GOLGA4: variants seen among roughly 807,000 people sequenced by gnomAD.
GOLGA4 encodes the protein golgin subfamily A member 4.
In GOLGA4, 169 loss-of-function variants were observed where a neutral mutation model predicts 265.9. That is an observed-to-expected ratio of 0.64 (90% CI 0.56 to 0.72). GOLGA4 has a LOEUF of 0.72. Ranked by LOEUF, GOLGA4 falls within the 30% of genes least tolerant of loss-of-function variation. The pLI, the probability that GOLGA4 is intolerant of heterozygous loss-of-function variation, is 0.00. For synonymous variants in GOLGA4, 923 were observed against 855.8 expected (o/e 1.08, Z -1.37); for missense variants, 2,482 against 2,483.4 (o/e 1.00, Z 0.01).
intron 10 of GOLGA4, 114 bp downstream of exon 10, chr3:37,302,446 C>G (rs1218970149): frequency 4.3e-6 from 4 of 931,660 alleles, no homozygotes; most frequent in Non-Finnish European, 6.4e-6. Flanking sequence ...ACTATAGAGG[C>G]TCCTAATAAG....
chr3:37,322,261 C>T (rs984044253), intron 13 of GOLGA4, among the ~76,000 whole-genome samples: 4 of 152,160 alleles, frequency 2.6e-5, no homozygotes, highest in Admixed American at 2.0e-4. Context: ...ATGTCCTGAA[C>T]GTAATCCAGC....
rs754854479 is a variant in GOLGA4, at chr3:37,327,051, A to C, written c.5165A>C (p.Glu1722Ala). The C allele has an allele frequency of 3.7e-6, 6 of 1,613,970 alleles. No homozygotes were observed. The highest frequency in any genetic ancestry group is 1.7e-6 in the Non-Finnish European group (2 of 1,179,876). Residue 1722 changes from glutamate (E) to alanine (A), a missense_variant, in exon 14 of 24, where the codon GAA (glutamate) becomes GCA (alanine). This residue lies in a region of GOLGA4 where 942 missense variants were observed against 983.1 expected (regional missense o/e 0.96). Transcript: ENST00000361924. ...AATGTGGCAGCATATACTGAACAAG[A>C]AGAAGCAGATTCCCAAGGCTGTGTG... ...AKNVAAYTEQ[E>A]EADSQGCVQK...
chr3:37,295,221 T>C, intron 6 of GOLGA4, 144 bp downstream of exon 6: 1 of 522,184 alleles, frequency 1.9e-6, no homozygotes, highest in Non-Finnish European at 3.4e-6. Context: ...ATTTTTTTTA[T>C]TTTTAATTTT....
At chr3:37,357,283 A>G (rs773989559) in intron 22 of GOLGA4, among the ~76,000 whole-genome samples, 1 of 152,132 alleles carries the variant, frequency 6.6e-6, no homozygotes, top group Non-Finnish European at 1.5e-5. Flanking sequence ...AGTCTCATCC[A>G]TCATTATCTC....
rs879391061 is a variant in GOLGA4 at position 37,256,470 on chromosome 3, C to CA, written c.162+4997dup. Among the ~76,000 whole-genome samples the CA allele has an allele frequency of 1.1e-3, 137 of 130,304 alleles. 1 individual carries two copies. Among genetic ancestry groups the CA allele is most frequent in the African/African-American group, 1.5e-3 (53 of 35,164 alleles). 85.5% of individuals were successfully genotyped at this position (130,304 alleles called of 152,430 possible). A position where few individuals can be genotyped will look rare whatever the true frequency, so the allele number is the denominator to read the frequency against. ...GGGCAATAAAAGCAAAACTCCATCT[C>CA]AAAAAAAAAAAGGGACATAAAAAAA... On this transcript the variant is annotated intron_variant, in intron 2 of 23. Coordinates refer to ENST00000361924, the MANE Select transcript of GOLGA4 (RefSeq NM_002078.5).
chr3:37,275,235 A>AAG (rs2096812435), intron 2 of GOLGA4, among the ~76,000 whole-genome samples: 13 of 149,994 alleles, frequency 8.7e-5, no homozygotes, highest in African/African-American at 2.7e-4. Flanking sequence ...AAAAAAAAAA[A>AAG]AAAAAAGAAA....
intron 11 of GOLGA4, among the ~76,000 whole-genome samples, chr3:37,315,807 TG>T (rs1222971890): frequency 6.6e-6 from 1 of 152,226 alleles, no homozygotes; most frequent in African/African-American, 2.4e-5. Flanking sequence ...TTCTCTCCAG[TG>T]GACTATGTTA....
chr3:37,334,148 A>G (rs897477769), intron 16 of GOLGA4, among the ~76,000 whole-genome samples: 11 of 152,230 alleles, frequency 7.2e-5, no homozygotes, highest in Non-Finnish European at 1.3e-4. Flanking sequence ...ACAATAAATC[A>G]TGGCAATGAC....
At chr3:37,281,683 C>T (rs2150767966) in intron 2 of GOLGA4, among the ~76,000 whole-genome samples, 1 of 152,248 alleles carries the variant, frequency 6.6e-6, no homozygotes, top group Non-Finnish European at 1.5e-5. Flanking sequence ...TTCTTTCTTC[C>T]AGATGTGCAA....
chr3:37,298,193 G>A (rs550586545), intron 7 of GOLGA4, among the ~76,000 whole-genome samples: 3 of 152,270 alleles, frequency 2.0e-5, no homozygotes, highest in Admixed American at 1.3e-4. Context: ...ACGCAGAGCC[G>A]AGTGTGCACG....
At chr3:37,327,899 C>A in intron 14 of GOLGA4, 74 bp downstream of exon 14, 1 of 1,166,194 alleles carries the variant, frequency 8.6e-7, no homozygotes, top group Non-Finnish European at 1.2e-6. Flanking sequence ...GTGCCTAATA[C>A]AGTTATTTTA....
chr3:37,338,496 C>T (rs1352303954), intron 19 of GOLGA4, among the ~76,000 whole-genome samples: 1 of 152,166 alleles, frequency 6.6e-6, no homozygotes, highest in Non-Finnish European at 1.5e-5. Context: ...CATCTATTCT[C>T]AAGATTACTG....
chr3:37,333,726 G>A (rs1054454614), intron 16 of GOLGA4, among the ~76,000 whole-genome samples: 1 of 152,070 alleles, frequency 6.6e-6, no homozygotes, highest in Non-Finnish European at 1.5e-5. Flanking sequence ...CCAAATTCAC[G>A]TGTGCCTCGG....
At chr3:37,266,262 C>T (rs922864140) in intron 2 of GOLGA4, among the ~76,000 whole-genome samples, 2 of 152,084 alleles carry the variant, frequency 1.3e-5, no homozygotes, top group South Asian at 2.1e-4. Context: ...TGCAATGGCA[C>T]GATCTCGGCT....
At chr3:37,320,979 T>C (rs1261454150) in intron 12 of GOLGA4, among the ~76,000 whole-genome samples, 1 of 152,212 alleles carries the variant, frequency 6.6e-6, no homozygotes, top group African/African-American at 2.4e-5. Context: ...AATCTTTCCT[T>C]AATTTAAGTA....
chr3:37,315,317 A>G, intron 10 of GOLGA4, 103 bp from the exon 11 acceptor site: 2 of 924,940 alleles, frequency 2.2e-6, no homozygotes, highest in Admixed American at 5.5e-5. Flanking sequence ...TTTTTAACCT[A>G]TCCTGCTACT....
chr3:37,345,514 G>A (rs114966829), intron 20 of GOLGA4, among the ~76,000 whole-genome samples: 3,478 of 152,286 alleles, frequency 0.023, 66 homozygotes, highest in Non-Finnish European at 0.033. Context: ...AGACCCATTA[G>A]AGGCAACGAG....
rs1696638649 is a variant in GOLGA4, at chr3:37,365,009, C to T, written c.*34-1071C>T. On this transcript the variant is annotated intron_variant, in intron 23 of 23. Coordinates refer to ENST00000361924, the MANE Select transcript of GOLGA4 (RefSeq NM_002078.5). ...TTCCCAGGCTCAAGCGATCCTCCTG[C>T]CTCAACCTCCTGAGTAGCTGGGACT... is the stretch of plus-strand genomic sequence containing the variant. Among the ~76,000 whole-genome samples, 3 of 152,134 alleles carry T rather than the reference C, an allele frequency of 2.0e-5. No individual in the cohort carries two copies. The South Asian group carries it at 6.2e-4, about 32-fold the overall frequency.
At position 37,325,486 on chromosome 3, in the gene GOLGA4, G is replaced by A. The variant is rs764142947; in HGVS notation, c.3600G>A (p.Glu1200=). ...ATGAAAAAAGTAACAAAAGCCTAGA[G>A]GACAAGAGCTTGGAATTTAAAAAAC... ...SSHEKSNKSL[E]DKSLEFKKLS... The change falls in exon 14 of 24, where the codon GAG becomes GAA. Residue 1200 remains glutamate (E), a synonymous_variant. Coordinates refer to ENST00000361924, the MANE Select transcript of GOLGA4 (RefSeq NM_002078.5). 1.7e-5 allele frequency: 27 copies of A among 1,613,424 alleles called. No individual in the cohort carries two copies. The highest frequency in any genetic ancestry group is 1.6e-4 in the Middle Eastern group (1 of 6,084).
Sources: allele counts gnomAD v4.1 joint callset (sites outside exome capture counted in the v4.1 genomes callset), GRCh38; gene constraint gnomAD v4.1.1; regional missense constraint gnomAD v4.1.1; transcripts MANE v1.5; gene names NCBI Gene and HGNC (gene_info 2026-07-23, HGNC 2026-07-21).